The following MGA variants were observed in gnomAD, a reference collection of about 807,000 sequenced individuals.
MGA encodes the protein MAX dimerization protein MGA, also known as MAX gene-associated protein.
Under a neutral mutation model 261.1 loss-of-function variants are expected in MGA, and 40 were observed. The ratio of observed to expected loss-of-function variants is 0.15; its 90% CI spans 0.12 to 0.20. The LOEUF (loss-of-function observed/expected upper bound fraction) is 0.20. Among genes scored for constraint, MGA ranks in the 10% least tolerant of loss-of-function variants. The pLI is 1.00. For synonymous variants in MGA, 1,302 were observed against 1,290.6 expected, an observed-to-expected ratio of 1.01 and a Z score of -0.19; for missense variants, 3,397 against 3,630.5, an observed-to-expected ratio of 0.94 and a Z score of 1.65.
chr15:41,753,859 T>G (rs1042557347), intron 17 of MGA, among the ~76,000 whole-genome samples: 9 of 152,258 alleles, frequency 5.9e-5, no homozygotes, highest in African/African-American at 1.9e-4. Context: ...GAAATAACAC[T>G]GAAGCATCAG....
chr15:41,739,329 G>A (rs1235582603), intron 13 of MGA, among the ~76,000 whole-genome samples: 2 of 152,142 alleles, frequency 1.3e-5, no homozygotes, highest in Non-Finnish European at 2.9e-5. Flanking sequence ...TTATCCAAGA[G>A]ATGAAAATAG....
intron 3 of MGA, among the ~76,000 whole-genome samples, chr15:41,698,289 C>G (rs551135674): frequency 1.3e-4 from 20 of 151,702 alleles, no homozygotes; most frequent in Non-Finnish European, 2.9e-4. Context: ...CTGCCTCAGC[C>G]TCCCGAGTAG....
chr15:41,678,481 C>G (rs1265660103), intron 2 of MGA, among the ~76,000 whole-genome samples: 2 of 151,218 alleles, frequency 1.3e-5, no homozygotes, highest in Non-Finnish European at 2.9e-5. Context: ...AAAAGACTGT[C>G]CTGGCCGGGT....
At chr15:41,635,529 A>T (rs900493594) in intron 1 of MGA, among the ~76,000 whole-genome samples, 8 of 151,294 alleles carry the variant, frequency 5.3e-5, no homozygotes, top group Admixed American at 2.0e-4. Flanking sequence ...CCCCCCTCCT[A>T]TAAAAAATTT....
intron 1 of MGA, among the ~76,000 whole-genome samples, chr15:41,663,307 TAAAA>T (rs565949204): frequency 2.0e-5 from 3 of 150,202 alleles, no homozygotes; most frequent in Admixed American, 6.6e-5. Flanking sequence ...TTTATCTAGA[TAAAA>T]AAAAAATTTG....
At chr15:41,709,801 T>C (rs371099359) in intron 7 of MGA, among the ~76,000 whole-genome samples, 3,688 of 130,756 alleles carry the variant, frequency 0.028, 58 homozygotes, top group Non-Finnish European at 0.032. Context: ...TTTTTTTTTT[T>C]CCCCTGTTAT....
At chr15:41,723,639 G>A (rs1266106877) in intron 9 of MGA, among the ~76,000 whole-genome samples, 1 of 152,046 alleles carries the variant, frequency 6.6e-6, no homozygotes, top group Non-Finnish European at 1.5e-5. Context: ...CTGGTTTTGG[G>A]CTCCTGGCCT....
chr15:41,729,006 C>T (rs540603637), intron 10 of MGA, among the ~76,000 whole-genome samples, 158 bp from the exon 11 acceptor site: 16 of 152,214 alleles, frequency 1.1e-4, no homozygotes, highest in Middle Eastern at 3.4e-3. Flanking sequence ...CCCTAAGGTT[C>T]GGCACATATG....
Position 41,752,737 on chromosome 15 carries a change from T to A in MGA, c.7009-1700T>A, listed in dbSNP as rs189610752. On this transcript the variant is annotated intron_variant, in intron 17 of 23. Transcript: ENST00000219905. ...TGCCCAGCTAATTTTTGTATTTTTT[T>A]AGTAAAGACAGGGTTTCACCATATT... is the stretch of plus-strand genomic sequence containing the variant. 2.0e-3 allele frequency among the ~76,000 whole-genome samples: 307 copies of A among 151,854 alleles called. 1 individual carries two copies. Among genetic ancestry groups the A allele is most frequent in the Non-Finnish European group, 3.6e-3 (243 of 67,892 alleles).
chr15:41,683,066 C>A (rs1298964586), intron 2 of MGA, among the ~76,000 whole-genome samples: 1 of 152,112 alleles, frequency 6.6e-6, no homozygotes, highest in Non-Finnish European at 1.5e-5. Context: ...TTGTTGCCTC[C>A]CGGTTTCCTG....
intron 1 of MGA, among the ~76,000 whole-genome samples, chr15:41,638,138 G>A (rs1270826443): frequency 7.0e-6 from 1 of 143,180 alleles, no homozygotes; most frequent in African/African-American, 2.6e-5. Flanking sequence ...CGCCTCCTGG[G>A]TTCAAGCAAT....
intron 2 of MGA, among the ~76,000 whole-genome samples, chr15:41,680,462 A>G (rs535939657): frequency 1.3e-5 from 2 of 152,308 alleles, no homozygotes; most frequent in East Asian, 3.9e-4. Flanking sequence ...CATGGTCCCC[A>G]ACAAGACTGC....
At position 41,736,233 on chromosome 15, in the gene MGA, T is replaced by C. The variant is rs762988095; in HGVS notation, c.3969T>C (p.Tyr1323=). ...AAGGAGAATCCTCTTCTACTTCTTA[T>C]ATGCATCAGAGGTCACCTGGTGGTC... The change falls in exon 13 of 24, where the codon TAT becomes TAC. Residue 1323 remains tyrosine, a synonymous_variant. Coordinates refer to ENST00000219905, the MANE Select transcript of MGA (RefSeq NM_001164273.2). 25 of 1,612,192 alleles carry C rather than the reference T, an allele frequency of 1.6e-5. No homozygotes were observed. The highest frequency in any genetic ancestry group is 1.7e-4 in the Middle Eastern group (1 of 6,050).
At position 41,711,025 on chromosome 15, in the gene MGA, A is replaced by G. The variant is rs1170923734; in HGVS notation, c.2760A>G (p.Pro920=). 2 of 1,613,900 alleles carry G rather than the reference A, an allele frequency of 1.2e-6. No homozygotes were observed. Among genetic ancestry groups the G allele is most frequent in the East Asian group, 2.2e-5 (1 of 44,902 alleles). Residue 920 remains proline (P), a synonymous_variant, in exon 8 of 24, where the codon CCA becomes CCG. Transcript: ENST00000219905. ...AATCATCTTATAAATCCATTTTACC[A>G]TACCCTGTTTCACCAAAGCAGAAAT...
chr15:41,709,499 C>T (rs1158799026), intron 7 of MGA, among the ~76,000 whole-genome samples: 5 of 152,088 alleles, frequency 3.3e-5, no homozygotes, highest in African/African-American at 9.7e-5. Context: ...GGTTGGAGTG[C>T]AGTGGTCCAA....
chr15:41,719,336 T>C (rs1658006378), intron 9 of MGA, among the ~76,000 whole-genome samples: 1 of 152,230 alleles, frequency 6.6e-6, no homozygotes, highest in Non-Finnish European at 1.5e-5. Flanking sequence ...ATAGATCTGC[T>C]GATGCTATTC....
At chr15:41,700,050 T>G (rs1286958850) in intron 5 of MGA, among the ~76,000 whole-genome samples, 3 of 143,392 alleles carry the variant, frequency 2.1e-5, no homozygotes, top group East Asian at 4.2e-4. Flanking sequence ...GGTTTTTTTT[T>G]TTTTTTTTTT....
intron 1 of MGA, among the ~76,000 whole-genome samples, chr15:41,644,838 T>C (rs1376421183): frequency 6.6e-6 from 1 of 152,146 alleles, no homozygotes; most frequent in Non-Finnish European, 1.5e-5. Flanking sequence ...AGCTAATCAG[T>C]TGGAGATAAT....
At position 41,696,961 on chromosome 15, in the gene MGA, C is replaced by T. The variant is rs1159081612; in HGVS notation, c.1951C>T (p.Pro651Ser). 6.2e-7 allele frequency: 1 copy of T among 1,602,680 alleles called. No homozygotes were observed. Among genetic ancestry groups the T allele is most frequent in the Non-Finnish European group, 8.5e-7 (1 of 1,174,780 alleles). The change falls in exon 3 of 24, where the codon CCA (proline) becomes TCA (serine). Residue 651 changes from proline to serine, a missense_variant. Physicochemically the swap from Pro to Ser is moderately conservative, Grantham distance 74 (BLOSUM62 -1). Transcript: ENST00000219905. ...ACCTGTAAGCCCTGGGAGTACCTTTCCAGATGTGAAGCCTGATCTGGAAGA... is the reference window on the plus strand; with the variant it reads ...ACCTGTAAGCCCTGGGAGTACCTTTTCAGATGTGAAGCCTGATCTGGAAGA...
Sources: gnomAD v4.1 joint callset for allele counts (sites outside exome capture counted in the v4.1 genomes callset) on GRCh38, gnomAD v4.1.1 for gene constraint, MANE v1.5 for transcripts, NCBI Gene and HGNC (gene_info 2026-07-23, HGNC 2026-07-21) for gene names.